TAB2: variants seen among roughly 807,000 people sequenced by gnomAD.
The protein encoded by TAB2 is TGF-beta activated kinase 1 (MAP3K7) binding protein 2.
TAB2 carries 3 observed loss-of-function variants against 65.0 expected under a neutral mutation model. That is an observed-to-expected ratio of 0.05 (90% CI 0.02 to 0.12). The LOEUF (loss-of-function observed/expected upper bound fraction) is 0.12, where lower values mean the gene tolerates loss of function less well. Among genes scored for constraint, TAB2 ranks in the 10% least tolerant of loss-of-function variants. The pLI is 1.00. For synonymous variants in TAB2, 298 were observed against 285.1 expected, an observed-to-expected ratio of 1.05 and a Z score of -0.46; for missense variants, 623 against 840.3, an observed-to-expected ratio of 0.74 and a Z score of 3.20.
At chr6:149,340,669 A>G (rs1434940179) in intron 1 of TAB2, among the ~76,000 whole-genome samples, 2 of 152,156 alleles carry the variant, frequency 1.3e-5, no homozygotes, top group Admixed American at 1.3e-4. Flanking sequence ...CTGAAAGCCT[A>G]TTCATATGAG....
Position 149,397,635 on chromosome 6 carries a change from A to T in TAB2, c.1635A>T (p.Glu545Asp). 6.2e-7 allele frequency: 1 copy of T among 1,614,118 alleles called. No homozygotes were observed. Among genetic ancestry groups the T allele is most frequent in the Admixed American group, 1.7e-5 (1 of 60,016 alleles). Residue 545 changes from glutamate (E) to aspartate (D), a missense_variant, in exon 4 of 7, where the codon GAA becomes GAT. Around this residue, in one of 3 missense-constraint regions of TAB2, gnomAD observed 550 missense variants for 665.7 expected, o/e 0.83. Coordinates refer to ENST00000637181, the MANE Select transcript of TAB2 (RefSeq NM_001292034.3). The stretch of plus-strand genomic sequence containing the variant: ...TGGTACACCAGAAGGCCAGAATGGA[A>T]CGACTTCAAAGAGAACTTGAGATTC... ...ALLVHQKARM[E>D]RLQRELEIQK...
intron 1 of TAB2, among the ~76,000 whole-genome samples, chr6:149,277,346 AT>A (rs1053563950): frequency 1.3e-5 from 2 of 152,062 alleles, no homozygotes; most frequent in Admixed American, 1.3e-4. Context: ...CCATGTGGCT[AT>A]TTTTTTTAAA....
intron 1 of TAB2, among the ~76,000 whole-genome samples, chr6:149,229,560 A>G (rs1473498054): frequency 6.6e-6 from 1 of 152,064 alleles, no homozygotes; most frequent in African/African-American, 2.4e-5. Context: ...AGCAGGCCAG[A>G]AAGAAGCATG....
At chr6:149,349,658 G>A (rs73779312) in intron 1 of TAB2, among the ~76,000 whole-genome samples, 5,091 of 152,092 alleles carry the variant, frequency 0.033, 295 homozygotes, top group African/African-American at 0.12. Context: ...TGTTCAAATT[G>A]TTCTCTCATA....
Position 149,379,130 on chromosome 6 carries a change from C to T in TAB2, c.1215C>T (p.Pro405=). 1 of 1,614,142 alleles carries T rather than the reference C, an allele frequency of 6.2e-7. No individual in the cohort carries two copies. The highest frequency in any genetic ancestry group is 8.5e-7 in the Non-Finnish European group (1 of 1,180,026). The part of the protein sequence containing the change: ...TGDEQVMRNQ[P]TLFISTNSGA... Reference sequence around the variant, plus strand: ...ATGAACAGGTCATGCGGAATCAGCCCACACTCTTCATATCCACAAACTCTG... The same window carrying T: ...ATGAACAGGTCATGCGGAATCAGCCTACACTCTTCATATCCACAAACTCTG... The change falls in exon 3 of 7, where the codon CCC becomes CCT. Residue 405 remains proline, a synonymous_variant. Coordinates refer to ENST00000637181, the MANE Select transcript of TAB2 (RefSeq NM_001292034.3).
intron 3 of TAB2, among the ~76,000 whole-genome samples, chr6:149,382,598 A>G (rs772759811): frequency 5.0e-5 from 7 of 139,800 alleles, no homozygotes; most frequent in Non-Finnish European, 7.6e-5. Context: ...TGTCTAAAGG[A>G]AAAAAAAAAA....
At chr6:149,270,959 G>A (rs1562395322) in intron 1 of TAB2, among the ~76,000 whole-genome samples, 1 of 152,142 alleles carries the variant, frequency 6.6e-6, no homozygotes, top group Non-Finnish European at 1.5e-5. Flanking sequence ...TAGTCAGAGG[G>A]TTACGGGGTG....
intron 3 of TAB2, among the ~76,000 whole-genome samples, chr6:149,381,230 T>C (rs1008642272): frequency 1.3e-5 from 2 of 152,226 alleles, no homozygotes; most frequent in Admixed American, 6.5e-5. Context: ...TGTTAAAACT[T>C]TTATTTTCCA....
At chr6:149,267,436 T>C (rs79551929) in intron 1 of TAB2, among the ~76,000 whole-genome samples, 2,223 of 152,258 alleles carry the variant, frequency 0.015, 64 homozygotes, top group African/African-American at 0.05. Context: ...GCTGAGGAAA[T>C]AGCTTGACAA....
At chr6:149,283,709 T>A (rs936155129) in intron 1 of TAB2, among the ~76,000 whole-genome samples, 1 of 151,900 alleles carries the variant, frequency 6.6e-6, no homozygotes, top group Non-Finnish European at 1.5e-5. Flanking sequence ...AAATTCTGTC[T>A]AAAAAACAAA....
At chr6:149,236,135 T>C (rs756137441) in intron 1 of TAB2, among the ~76,000 whole-genome samples, 3 of 152,174 alleles carry the variant, frequency 2.0e-5, no homozygotes, top group Non-Finnish European at 2.9e-5. Context: ...TTGGGGACAG[T>C]GCTCACTATT....
intron 1 of TAB2, among the ~76,000 whole-genome samples, chr6:149,328,728 A>G (rs1779690999): frequency 6.6e-6 from 1 of 152,198 alleles, no homozygotes; most frequent in African/African-American, 2.4e-5. Context: ...CATATATACA[A>G]ACACATGTGA....
At chr6:149,343,447 G>C (rs1185274195) in intron 1 of TAB2, among the ~76,000 whole-genome samples, 2 of 148,582 alleles carry the variant, frequency 1.3e-5, no homozygotes, top group African/African-American at 2.5e-5. Flanking sequence ...ACTCCAGCCT[G>C]AGCAACAGAG....
intron 1 of TAB2, among the ~76,000 whole-genome samples, chr6:149,349,515 A>T (rs1163887856): frequency 6.6e-6 from 1 of 151,714 alleles, no homozygotes; most frequent in Non-Finnish European, 1.5e-5. Flanking sequence ...TTAAGCTGAG[A>T]TAGCTGGTAA....
At chr6:149,329,016 CTG>C (rs746140079) in intron 1 of TAB2, among the ~76,000 whole-genome samples, 8 of 152,090 alleles carry the variant, frequency 5.3e-5, no homozygotes, top group Non-Finnish European at 7.4e-5. Context: ...TACACAGTAA[CTG>C]TGTGTAGTTC....
chr6:149,338,117 A>G (rs1337699392), intron 1 of TAB2, among the ~76,000 whole-genome samples: 2 of 152,224 alleles, frequency 1.3e-5, no homozygotes, highest in African/African-American at 4.8e-5. Flanking sequence ...TGTATATTGT[A>G]TATTACATAA....
Position 149,379,431 on chromosome 6 carries a change from C to T in TAB2, c.1516C>T (p.Leu506Phe), listed in dbSNP as rs761158210. Residue 506 changes from leucine (L) to phenylalanine (F), a missense_variant, in exon 3 of 7, where the codon CTC (leucine) becomes TTC (phenylalanine). Around this residue, in one of 3 missense-constraint regions of TAB2, gnomAD observed 550 missense variants for 665.7 expected, o/e 0.83. Transcript: ENST00000637181. ...HYVETENIQH[L>F]TDPTLAHVDR... ...TGTAGAAACCGAGAATATTCAGCACCTCACGGACCCTACATTAGCACATGT... is the reference window on the plus strand; with the variant it reads ...TGTAGAAACCGAGAATATTCAGCACTTCACGGACCCTACATTAGCACATGT... 1.9e-6 allele frequency: 3 copies of T among 1,613,962 alleles called. No homozygotes were observed. The highest frequency in any genetic ancestry group is 1.3e-5 in the African/African-American group (1 of 74,888).
At chr6:149,275,225 G>GGAGAGAGAGAGA (rs36042716) in intron 1 of TAB2, among the ~76,000 whole-genome samples, 1 of 97,472 alleles carries the variant, frequency 1.0e-5, no homozygotes, top group East Asian at 3.1e-4. Flanking sequence ...GGGGGAGGGG[G>GGAGAGAGAGAGA]GAGAGAGAGA....
intron 1 of TAB2, among the ~76,000 whole-genome samples, chr6:149,334,059 A>G (rs548575267): frequency 1.3e-5 from 2 of 152,344 alleles, no homozygotes; most frequent in East Asian, 1.9e-4. Context: ...AATGTAAGCT[A>G]TTAATAGAAA....
Sources: gnomAD v4.1 joint callset for allele counts (sites outside exome capture counted in the v4.1 genomes callset) on GRCh38, gnomAD v4.1.1 for gene constraint, gnomAD v4.1.1 regional missense constraint, MANE v1.5 for transcripts, NCBI Gene and HGNC (gene_info 2026-07-23, HGNC 2026-07-21) for gene names.